RBFOX3: variants seen among roughly 807,000 people sequenced by gnomAD.
RBFOX3 encodes RNA binding protein fox-1 homolog 3.
Under a neutral mutation model 48.7 loss-of-function variants are expected in RBFOX3, and 17 were observed. The observed-to-expected ratio is 0.35, with a 90% CI of 0.24 to 0.52. RBFOX3 has a LOEUF of 0.52. Ranked by LOEUF, RBFOX3 falls within the 20% of genes least tolerant of loss-of-function variation. RBFOX3 has a pLI of 0.94. For missense variants in RBFOX3, 382 were observed against 497.5 expected (o/e 0.77, Z 2.21); for synonymous variants, 212 against 209.5 (o/e 1.01, Z -0.10).
intron 1 of RBFOX3, among the ~76,000 whole-genome samples, chr17:79,553,717 TTTTG>T (rs1207119315): frequency 5.3e-5 from 8 of 152,122 alleles, no homozygotes; most frequent in East Asian, 1.9e-4. Flanking sequence ...CTTGGGGTTT[TTTTG>T]TTTGTTTGTT....
intron 2 of RBFOX3, among the ~76,000 whole-genome samples, chr17:79,403,412 G>A (rs1019630293): frequency 6.6e-6 from 1 of 152,200 alleles, no homozygotes; most frequent in Non-Finnish European, 1.5e-5. Flanking sequence ...CTGTGGATGG[G>A]CACCTCTGTC....
intron 14 of RBFOX3, among the ~76,000 whole-genome samples, chr17:79,091,218 G>A (rs925427165): frequency 2.6e-5 from 4 of 152,168 alleles, no homozygotes; most frequent in African/African-American, 4.8e-5. Context: ...CACGGGAGGT[G>A]GGGGAGCCGG....
intron 2 of RBFOX3, among the ~76,000 whole-genome samples, chr17:79,393,386 C>T (rs1346029016): frequency 6.6e-6 from 1 of 152,218 alleles, no homozygotes; most frequent in Non-Finnish European, 1.5e-5. Context: ...CTGGACGAAG[C>T]AAGCCTCTCA....
At chr17:79,648,747 C>T in the RBFOX3 span, among the ~76,000 whole-genome samples, 1,721 of 152,300 alleles carry the variant, frequency 0.011, 13 homozygotes, top group Non-Finnish European at 0.019. Context: ...AATGTCCCCA[C>T]GCCATCAAGG....
At chr17:79,290,332 T>C (rs948687975) in intron 3 of RBFOX3, among the ~76,000 whole-genome samples, 3 of 152,118 alleles carry the variant, frequency 2.0e-5, no homozygotes, top group Non-Finnish European at 2.9e-5. Context: ...CCAGCTGGGT[T>C]GGAGTCCTTG....
chr17:79,588,155 A>G (rs971006358), intron 1 of RBFOX3, among the ~76,000 whole-genome samples: 28 of 152,328 alleles, frequency 1.8e-4, no homozygotes, highest in African/African-American at 6.3e-4. Flanking sequence ...TGAGGCATGC[A>G]TAGGAGTTTC....
intron 4 of RBFOX3, among the ~76,000 whole-genome samples, chr17:79,161,699 G>A (rs2047019253): frequency 6.6e-6 from 1 of 152,178 alleles, no homozygotes; most frequent in South Asian, 2.1e-4. Context: ...GGGTTCAAGC[G>A]ATTCTCCTGC....
chr17:79,558,856 G>A (rs2091973125), intron 1 of RBFOX3, among the ~76,000 whole-genome samples: 1 of 152,168 alleles, frequency 6.6e-6, no homozygotes, highest in Admixed American at 6.5e-5. Context: ...TGCAGGGCCA[G>A]CATGGAGGGC....
chr17:79,510,625 A>C (rs977069110), intron 1 of RBFOX3, among the ~76,000 whole-genome samples: 5 of 152,224 alleles, frequency 3.3e-5, no homozygotes, highest in Non-Finnish European at 5.9e-5. Context: ...GAGGGAGCAG[A>C]TTAACAGCAG....
intron 4 of RBFOX3, among the ~76,000 whole-genome samples, chr17:79,141,496 T>A (rs888619096): frequency 6.6e-6 from 1 of 151,540 alleles, no homozygotes; most frequent in Non-Finnish European, 1.5e-5. Flanking sequence ...CTTCTTATAG[T>A]GGCTCAGAGG....
chr17:79,373,432 A>G (rs533002216), intron 2 of RBFOX3, among the ~76,000 whole-genome samples: 6 of 152,314 alleles, frequency 3.9e-5, no homozygotes, highest in African/African-American at 1.4e-4. Context: ...CTGATCATGA[A>G]TGGCAGCACC....
At chr17:79,572,681 A>G (rs1235886763) in intron 1 of RBFOX3, among the ~76,000 whole-genome samples, 10 of 152,340 alleles carry the variant, frequency 6.6e-5, no homozygotes, top group East Asian at 1.9e-4. Context: ...GAGGGCAGCC[A>G]GCCTGTCTGA....
Position 79,096,605 on chromosome 17 carries a change from C to A in RBFOX3, c.936+48G>T, listed in dbSNP as rs945452878. The A allele has an allele frequency of 7.4e-6, 11 of 1,489,016 alleles. No homozygotes were observed. In the Admixed American group the frequency reaches 2.2e-4, roughly 29 times the overall value. The allele number at this position is 1,489,016 out of a possible 1,614,324, so 92.2% of individuals were successfully genotyped here. A position where few individuals can be genotyped will look rare whatever the true frequency, so the allele number is the denominator to read the frequency against. On this transcript the variant is annotated intron_variant, in intron 12 of 14. Transcript: ENST00000693108. ...GGAGACGCCGACTTCTCATTGAGACCCACAGAACGCCTGATCCCACCCTCC... is the reference window on the plus strand; with the variant it reads ...GGAGACGCCGACTTCTCATTGAGACACACAGAACGCCTGATCCCACCCTCC...
At chr17:79,404,510 G>A (rs897060058) in intron 2 of RBFOX3, among the ~76,000 whole-genome samples, 8 of 152,204 alleles carry the variant, frequency 5.3e-5, no homozygotes, top group South Asian at 4.1e-4. Flanking sequence ...ACAGATGGAC[G>A]CAGAGGGCCA....
At chr17:79,293,548 G>T (rs569622772) in intron 3 of RBFOX3, among the ~76,000 whole-genome samples, 5 of 151,772 alleles carry the variant, frequency 3.3e-5, no homozygotes, top group Admixed American at 2.0e-4. Flanking sequence ...CACCTTCTGG[G>T]TTCAAGTGAT....
At chr17:79,279,433 G>A (rs1567966856) in intron 3 of RBFOX3, among the ~76,000 whole-genome samples, 1 of 152,136 alleles carries the variant, frequency 6.6e-6, no homozygotes, top group African/African-American at 2.4e-5. Flanking sequence ...CCAGTGGGTG[G>A]AGGGAGCATC....
At chr17:79,629,669 C>A in the RBFOX3 span, among the ~76,000 whole-genome samples, 1 of 152,182 alleles carries the variant, frequency 6.6e-6, no homozygotes, top group Non-Finnish European at 1.5e-5. Flanking sequence ...AACTCAGGAA[C>A]AAACACAAAG....
intron 4 of RBFOX3, among the ~76,000 whole-genome samples, chr17:79,174,918 CCA>C (rs2050207737): frequency 1.3e-5 from 2 of 152,218 alleles, no homozygotes; most frequent in South Asian, 4.1e-4. Context: ...GCACCTTCAT[CCA>C]CAGTGGCCTC....
Position 79,455,349 on chromosome 17 carries a change from G to A in RBFOX3, c.-175+27105C>T, listed in dbSNP as rs75169417. ...GGAAATTGTTGGCCAGGAAGAAACC[G>A]CACCACGCTTCTGCCCAGGAGAGAC... On this transcript the variant is annotated intron_variant, in intron 2 of 14. Transcript: ENST00000693108. Among the ~76,000 whole-genome samples the A allele has an allele frequency of 6.3e-3, 956 of 152,290 alleles. 13 individuals are homozygous for A. The highest frequency in any genetic ancestry group is 0.022 in the African/African-American group (907 of 41,550).
Sources: gnomAD v4.1 joint callset for allele counts (sites outside exome capture counted in the v4.1 genomes callset) on GRCh38, gnomAD v4.1.1 for gene constraint, MANE v1.5 for transcripts, NCBI Gene and HGNC (gene_info 2026-07-23, HGNC 2026-07-21) for gene names.